The following MYH2 variants were observed in gnomAD, a reference collection of about 807,000 sequenced individuals.
MYH2 encodes the protein myosin-2.
Under a neutral mutation model 228.1 loss-of-function variants are expected in MYH2, and 139 were observed. The observed-to-expected ratio is 0.61, with a 90% CI of 0.53 to 0.70. The LOEUF (loss-of-function observed/expected upper bound fraction) is 0.70. Among genes scored for constraint, MYH2 ranks in the 30% least tolerant of loss-of-function variants. The pLI is 0.00. For synonymous variants in MYH2, 796 were observed against 871.1 expected (o/e 0.91, Z 1.52); for missense variants, 1,809 against 2,357.5 (o/e 0.77, Z 4.82).
chr17:10,523,271 C>T (rs750909069), intron 38 of MYH2, 37 bp downstream of exon 38: 119 of 1,611,142 alleles, frequency 7.4e-5, no homozygotes, highest in South Asian at 1.3e-4. Context: ...ACATAAACTT[C>T]GACCAGTGCT....
At position 10,542,269 on chromosome 17, in the gene MYH2, A is replaced by C. The variant is rs183802981; in HGVS notation, c.904+606T>G. On this transcript the variant is annotated intron_variant, in intron 10 of 39. Transcript: ENST00000245503. The stretch of plus-strand genomic sequence containing the variant: ...GGCCTGGGTGACAAAGTGAGACTCC[A>C]TCTCAACAAACAAACAAACAAACAA... 2.1e-3 allele frequency among the ~76,000 whole-genome samples: 311 copies of C among 145,540 alleles called. 1 individual carries two copies. Among genetic ancestry groups the C allele is most frequent in the African/African-American group, 7.6e-3 (305 of 40,352 alleles).
chr17:10,531,881 TG>T lies in MYH2; in HGVS notation c.2448del (p.Ile817SerfsTer12), dbSNP rs761672322. On this transcript the variant is annotated frameshift_variant, in exon 22 of 40. Transcript: ENST00000245503. LOFTEE classifies it high-confidence loss of function. ...CTGATATTGTACTGGATACAGAAGA[TG>T]GCCTCCCTGAAATTTAATTGATGCA... Reference protein sequence around the residue: ...EYQRMVERREAIFCIQYNIRS... With the variant: ...EYQRMVERREXIFCIQYNIRS... 6.2e-7 allele frequency: 1 copy of T among 1,614,002 alleles called. No homozygotes were observed. The highest frequency in any genetic ancestry group is 8.5e-7 in the Non-Finnish European group (1 of 1,179,984).
chr17:10,523,490 A>T lies in MYH2; in HGVS notation c.5472+6T>A. On this transcript the variant is annotated splice_donor_region_variant and intron_variant, in intron 37 of 39. Transcript: ENST00000245503. ...GATGGAAATAGACAGATATTGGGAG[A>T]CCCACCCTGGCCTCCAGTTTCTGGA... 1 of 1,614,130 alleles carries T rather than the reference A, an allele frequency of 6.2e-7. No homozygotes were observed. The highest frequency in any genetic ancestry group is 1.3e-5 in the African/African-American group (1 of 75,026).
chr17:10,546,486 A>C (rs2073635501), intron 4 of MYH2, among the ~76,000 whole-genome samples: 1 of 152,048 alleles, frequency 6.6e-6, no homozygotes, highest in South Asian at 2.1e-4. Flanking sequence ...TATTTACTGC[A>C]TGTTTATTAT....
chr17:10,525,167 T>G lies in MYH2; in HGVS notation c.4662+57A>C. 6.2e-7 allele frequency: 1 copy of G among 1,613,872 alleles called. No individual in the cohort carries two copies. The highest frequency in any genetic ancestry group is 8.5e-7 in the Non-Finnish European group (1 of 1,179,878). ...GCTATGTGTCTTTTTATTCACTCTA[T>G]GCAGATGTACCTAATTATTTTCCAG... On this transcript the variant is annotated intron_variant, in intron 33 of 39. Coordinates refer to ENST00000245503, the MANE Select transcript of MYH2 (RefSeq NM_017534.6). The surrounding 1 kb of genome is among the most constrained non-coding windows in gnomAD (Gnocchi z 4.2).
chr17:10,547,363 GC>G, intron 4 of MYH2, 111 bp downstream of exon 4: 1 of 1,353,240 alleles, frequency 7.4e-7, no homozygotes, highest in Non-Finnish European at 1.1e-6. Context: ...TAGTTATGCT[GC>G]AATGAAAGTG....
chr17:10,531,703 C>CT lies in MYH2; in HGVS notation c.2626dup (p.Arg876LysfsTer17), dbSNP rs1424765508. Reference sequence around the variant, plus strand: ...CACCATCTTTTCTTCCAGTTCCTTCCTTTTTGCCTCTGACTTGGCAAGTTC... The same window carrying CT: ...CACCATCTTTTCTTCCAGTTCCTTCCTTTTTTGCCTCTGACTTGGCAAGTTC... On this transcript the variant is annotated frameshift_variant, in exon 22 of 40. Coordinates refer to ENST00000245503, the MANE Select transcript of MYH2 (RefSeq NM_017534.6). LOFTEE classifies it high-confidence loss of function. The CT allele has an allele frequency of 1.9e-6, 3 of 1,614,012 alleles. No individual in the cohort carries two copies. The highest frequency in any genetic ancestry group is 2.5e-6 in the Non-Finnish European group (3 of 1,180,036).
At chr17:10,544,077 A>G (rs768065052) in intron 6 of MYH2, 23 bp downstream of exon 6, 1 of 1,614,212 alleles carries the variant, frequency 6.2e-7, no homozygotes, top group Non-Finnish European at 8.5e-7. Flanking sequence ...CAGCCATGTA[A>G]AGAAAGCATA....
At chr17:10,534,769 T>C (rs1329628961) in intron 19 of MYH2, among the ~76,000 whole-genome samples, 2 of 152,144 alleles carry the variant, frequency 1.3e-5, no homozygotes, top group African/African-American at 2.4e-5. Flanking sequence ...ATGCAAAAAT[T>C]AGCTGGGCGT....
chr17:10,525,565 C>G lies in MYH2; in HGVS notation c.4423G>C (p.Ala1475Pro). 6.2e-7 allele frequency: 1 copy of G among 1,614,076 alleles called. No homozygotes were observed. The highest frequency in any genetic ancestry group is 8.5e-7 in the Non-Finnish European group (1 of 1,180,030). Residue 1475 changes from alanine (A) to proline (P), a missense_variant, in exon 32 of 40, where the codon GCC becomes CCC. Around this residue, in one of 9 missense-constraint regions of MYH2, gnomAD observed 636 missense variants for 729.9 expected, o/e 0.87. Coordinates refer to ENST00000245503, the MANE Select transcript of MYH2 (RefSeq NM_017534.6). This position sits in a 1 kb window ranked among gnomAD's most constrained non-coding sequence, Gnocchi z 4.2. ...AGGGAACGGGCCTCCTTCTGGGAGG[C>G]CTCAAGCTCAGCATGCGTTTCCTCA... is the stretch of plus-strand genomic sequence containing the variant. ...KCEETHAELE[A>P]SQKEARSLGT...
rs1395598973 is a variant in MYH2 at position 10,525,462 on chromosome 17, T to C, written c.4526A>G (p.Lys1509Arg). The stretch of plus-strand genomic sequence containing the variant: ...TGATAGGGACTTACGCTGTAAGTTT[T>C]TGTTCTCTCGCTTCAGGGTTTCTAG... ...DQLETLKREN[K>R]NLQQEISDLT... is the part of the protein sequence containing the mutation. The change falls in exon 32 of 40, where the codon AAA (lysine) becomes AGA (arginine). Residue 1509 changes from lysine (K) to arginine (R), a missense_variant. Physicochemically the swap from Lys to Arg is conservative, Grantham distance 26. This residue lies in a region of MYH2 where 636 missense variants were observed against 729.9 expected (regional missense o/e 0.87). Transcript: ENST00000245503. This position sits in a 1 kb window ranked among gnomAD's most constrained non-coding sequence, Gnocchi z 4.2. The C allele has an allele frequency of 1.2e-6, 2 of 1,614,214 alleles. No homozygotes were observed. The highest frequency in any genetic ancestry group is 1.7e-6 in the Non-Finnish European group (2 of 1,180,038).
At chr17:10,523,268 C>T in intron 38 of MYH2, 40 bp downstream of exon 38, 4 of 1,611,984 alleles carry the variant, frequency 2.5e-6, no homozygotes, top group South Asian at 1.1e-5. Flanking sequence ...TTCACATAAA[C>T]TTCGACCAGT....
In MYH2 at chr17:10,523,900, T is replaced by C. The variant is rs1454788870; in HGVS notation, c.5176-16A>G. 1.2e-6 allele frequency: 2 copies of C among 1,609,602 alleles called. No individual in the cohort carries two copies. Among genetic ancestry groups the C allele is most frequent in the Admixed American group, 1.7e-5 (1 of 59,682 alleles). On this transcript the variant is annotated splice_polypyrimidine_tract_variant and intron_variant, in intron 35 of 39. Transcript: ENST00000245503. ...GGCTGGTGTTCTGTTTAAAAAGAAT[T>C]TGTACATTTAAAAAATTGTGTTACC...
intron 10 of MYH2, among the ~76,000 whole-genome samples, chr17:10,541,382 G>A (rs1425630785): frequency 6.6e-6 from 1 of 152,150 alleles, no homozygotes; most frequent in African/African-American, 2.4e-5. Flanking sequence ...GTAGATAAGG[G>A]TTGAAATAAG....
Position 10,529,147 on chromosome 17 carries a change from A to T in MYH2, c.3354+15T>A, listed in dbSNP as rs776259748. The T allele has an allele frequency of 3.1e-6, 5 of 1,614,234 alleles. No homozygotes were observed. The highest frequency in any genetic ancestry group is 3.4e-6 in the Non-Finnish European group (4 of 1,180,038). On this transcript the variant is annotated intron_variant, in intron 26 of 39. Coordinates refer to ENST00000245503, the MANE Select transcript of MYH2 (RefSeq NM_017534.6). ...AACTGCCTCCGAGCCAGACTGATGA[A>T]AATCATGTACTTACTTGCAATTCTT...
At position 10,539,513 on chromosome 17, in the gene MYH2, G is replaced by C. The variant is rs757385511; in HGVS notation, c.1197C>G (p.Leu399=). Residue 399 remains leucine, a synonymous_variant, in exon 13 of 40, where the codon CTC becomes CTG. Coordinates refer to ENST00000245503, the MANE Select transcript of MYH2 (RefSeq NM_017534.6). The part of the protein sequence containing the change: ...YLQSLNSADL[L]KALCYPRVKV... ...TGACCCTGGGGTAGCAGAGAGCTTTGAGCAGATCTGCAGAGTTCAGACTCT... is the reference window on the plus strand; with the variant it reads ...TGACCCTGGGGTAGCAGAGAGCTTTCAGCAGATCTGCAGAGTTCAGACTCT... The C allele has an allele frequency of 1.2e-6, 2 of 1,614,014 alleles. No individual in the cohort carries two copies. The highest frequency in any genetic ancestry group is 1.7e-6 in the Non-Finnish European group (2 of 1,180,038).
Position 10,524,015 on chromosome 17 carries a change from A to C in MYH2, c.5176-131T>G, listed in dbSNP as rs2073318054. 1 of 843,450 alleles carries C rather than the reference A, an allele frequency of 1.2e-6. No homozygotes were observed. Among genetic ancestry groups the C allele is most frequent in the Non-Finnish European group, 1.8e-6 (1 of 551,888 alleles). The allele number at this position is 843,450 out of a possible 1,614,324, so 52.2% of individuals were successfully genotyped here. On this transcript the variant is annotated intron_variant, in intron 35 of 39. Coordinates refer to ENST00000245503, the MANE Select transcript of MYH2 (RefSeq NM_017534.6). This position sits in a 1 kb window ranked among gnomAD's most constrained non-coding sequence, Gnocchi z 4.7. ...CCTTTTAATATTAAAGAATTAAAGG[A>C]TTGTGTTATGTAATATGATTAAATA...
At chr17:10,545,754 GC>G (rs2073621496) in intron 4 of MYH2, among the ~76,000 whole-genome samples, 1 of 152,078 alleles carries the variant, frequency 6.6e-6, no homozygotes, top group Admixed American at 6.5e-5. Flanking sequence ...TTTTTGTAGA[GC>G]TAAAGTCTCA....
intron 4 of MYH2, among the ~76,000 whole-genome samples, chr17:10,546,929 G>GA (rs35429711): frequency 0.36 from 52,068 of 143,308 alleles, 10,009 homozygotes; most frequent in East Asian, 0.8. Context: ...AAAAAAATAC[G>GA]AAAAAAAAAA....
Sources: allele counts gnomAD v4.1 joint callset (sites outside exome capture counted in the v4.1 genomes callset), GRCh38; gene constraint gnomAD v4.1.1; regional missense constraint gnomAD v4.1.1; non-coding constraint Gnocchi (gnomAD v3.1); transcripts MANE v1.5; gene names NCBI Gene and HGNC (gene_info 2026-07-23, HGNC 2026-07-21).